Variants in CUX2 observed in about 807,000 individuals in gnomAD.
The protein encoded by CUX2 is homeobox protein cut-like 2.
In CUX2, 40 loss-of-function variants were observed where a neutral mutation model predicts 144.8. That is an observed-to-expected ratio of 0.28 (90% CI 0.21 to 0.36). CUX2 has a LOEUF of 0.36. CUX2 is among the 10% of genes least tolerant of loss of function. The pLI, the probability that CUX2 is intolerant of heterozygous loss-of-function variation, is 1.00. For missense variants in CUX2, 1,615 were observed against 1,994.0 expected (o/e 0.81, Z 3.62); for synonymous variants, 827 against 875.6 (o/e 0.94, Z 0.98).
chr12:111,310,788 A>G lies in CUX2; in HGVS notation c.1900+106A>G. 7 of 1,307,320 alleles carry G rather than the reference A, an allele frequency of 5.4e-6. No homozygotes were observed. Among genetic ancestry groups the G allele is most frequent in the Non-Finnish European group, 7.2e-6 (7 of 977,044 alleles). 81.0% of individuals were successfully genotyped at this position (1,307,320 alleles called of 1,614,324 possible). On this transcript the variant is annotated intron_variant, in intron 15 of 21. Transcript: ENST00000261726. The surrounding 1 kb of genome is among the most constrained non-coding windows in gnomAD (Gnocchi z 7.9). ...TCTGGGTTCAAAGCCCAGCTCTACC[A>G]CCACCTGGCTGTGTGACCCAGGGCC...
At position 111,320,120 on chromosome 12, in the gene CUX2, TGCAGGCGCAACA is replaced by T; in HGVS notation, c.2120_2131del (p.Gln707_Ala710del). ...ATCCTGGAGCAGGCACGCCGTGAGA[TGCAGGCGCAACA>T]GCAGGCGCTGCTGGAGATGGAGGTG... is the stretch of plus-strand genomic sequence containing the variant. On this transcript the variant is annotated inframe_deletion, in exon 17 of 22. Transcript: ENST00000261726. This position sits in a 1 kb window ranked among gnomAD's most constrained non-coding sequence, Gnocchi z 8.1. The T allele has an allele frequency of 3.2e-6, 5 of 1,557,602 alleles. No individual in the cohort carries two copies. Among genetic ancestry groups the T allele is most frequent in the Non-Finnish European group, 4.3e-6 (5 of 1,154,950 alleles).
chr12:111,198,815 C>T (rs1201961096), intron 1 of CUX2, among the ~76,000 whole-genome samples: 1 of 152,192 alleles, frequency 6.6e-6, no homozygotes, highest in Non-Finnish European at 1.5e-5. Flanking sequence ...GAGGCTGGCT[C>T]ATCGGAGGCC....
At chr12:111,260,144 T>C (rs1884038815) in intron 3 of CUX2, among the ~76,000 whole-genome samples, 1 of 147,026 alleles carries the variant, frequency 6.8e-6, no homozygotes, top group South Asian at 2.2e-4. Flanking sequence ...GCCTAGGCAA[T>C]ACAGCGAGAC....
chr12:111,132,205 G>C (rs901258060), intron 1 of CUX2, among the ~76,000 whole-genome samples: 4 of 152,194 alleles, frequency 2.6e-5, no homozygotes, highest in African/African-American at 9.7e-5. Flanking sequence ...TGGGGCTTCT[G>C]CCCTCTGAAG....
chr12:111,201,478 TC>T (rs1880590645), intron 1 of CUX2, among the ~76,000 whole-genome samples: 1 of 152,126 alleles, frequency 6.6e-6, no homozygotes, highest in Admixed American at 6.5e-5. Flanking sequence ...TGCCCACAGC[TC>T]CCTCCTCCTC....
intron 20 of CUX2, among the ~76,000 whole-genome samples, chr12:111,341,064 A>G (rs1888553901): frequency 6.6e-6 from 1 of 152,180 alleles, no homozygotes; most frequent in Non-Finnish European, 1.5e-5. Context: ...AAATGGCCTC[A>G]CTGAGTAAAT....
At chr12:111,328,975 C>CTCTCTCTCTCTCTCTCTCTCTCTCT (rs1491501890) in intron 18 of CUX2, among the ~76,000 whole-genome samples, 27 of 65,652 alleles carry the variant, frequency 4.1e-4, no homozygotes, top group African/African-American at 8.5e-4. Flanking sequence ...CTCTCTCTCT[C>CTCTCTCTCTCTCTCTCTCTCTCTCT]CCCCTCTCTC....
chr12:111,161,337 C>G (rs1037294005), intron 1 of CUX2, among the ~76,000 whole-genome samples: 4 of 152,128 alleles, frequency 2.6e-5, no homozygotes, highest in African/African-American at 9.7e-5. Context: ...GTTGGTTCCC[C>G]CAGCATTGAG....
chr12:111,051,755 T>C (rs1376867886), intron 1 of CUX2, among the ~76,000 whole-genome samples: 1 of 152,210 alleles, frequency 6.6e-6, no homozygotes, highest in Non-Finnish European at 1.5e-5. Context: ...TGGTAGAATT[T>C]ATGTCTGCCA....
intron 3 of CUX2, among the ~76,000 whole-genome samples, chr12:111,232,007 G>A (rs527524832): frequency 3.9e-5 from 6 of 152,100 alleles, no homozygotes; most frequent in East Asian, 1.9e-4. Context: ...TCGAGAGGCT[G>A]AGGCAGGAGA....
intron 1 of CUX2, among the ~76,000 whole-genome samples, chr12:111,119,689 C>T (rs773771833): frequency 4.6e-5 from 7 of 152,212 alleles, no homozygotes; most frequent in Non-Finnish European, 1.0e-4. Flanking sequence ...AGTGCCCGAC[C>T]TTTGGGTCTC....
At chr12:111,316,905 C>T (rs934233425) in intron 16 of CUX2, among the ~76,000 whole-genome samples, 1 of 152,128 alleles carries the variant, frequency 6.6e-6, no homozygotes, top group African/African-American at 2.4e-5. Context: ...CCCCCCAGCC[C>T]CTGGAAACCA....
At chr12:111,213,344 A>G (rs1881335817) in intron 1 of CUX2, among the ~76,000 whole-genome samples, 2 of 152,250 alleles carry the variant, frequency 1.3e-5, no homozygotes, top group Non-Finnish European at 2.9e-5. Context: ...CCACCATTAA[A>G]GTGAAGAAAG....
At chr12:111,323,403 C>T (rs571079312) in intron 18 of CUX2, among the ~76,000 whole-genome samples, 296 of 152,340 alleles carry the variant, frequency 1.9e-3, no homozygotes, top group Non-Finnish European at 3.0e-3. Flanking sequence ...AAGCCTCCAT[C>T]CCAGTGACAG....
chr12:111,174,461 T>TCATATGTGACACAC lies in CUX2; in HGVS notation c.64-39739_64-39738insCATATGTGACACAC, dbSNP rs1226076049. ...CGTGACATTAGCAGTTCCTTGAGGGTAGGGCTGTGTGTGTCATATGTGAGT... is the reference window on the plus strand; with the variant it reads ...CGTGACATTAGCAGTTCCTTGAGGGTCATATGTGACACACAGGGCTGTGTGTGTCATATGTGAGT... On this transcript the variant is annotated intron_variant, in intron 1 of 21. Coordinates refer to ENST00000261726, the MANE Select transcript of CUX2 (RefSeq NM_015267.4). Among the ~76,000 whole-genome samples, 3 of 152,332 alleles carry TCATATGTGACACAC rather than the reference T, an allele frequency of 2.0e-5. No homozygotes were observed. The East Asian group carries it at 5.8e-4, about 29-fold the overall frequency.
At chr12:111,038,054 G>T (rs1869546310) in intron 1 of CUX2, among the ~76,000 whole-genome samples, 1 of 152,234 alleles carries the variant, frequency 6.6e-6, no homozygotes, top group Non-Finnish European at 1.5e-5. Flanking sequence ...CTTTTCCAAG[G>T]AGTTTGGAGA....
chr12:111,122,328 T>C lies in CUX2; in HGVS notation c.63+88088T>C, dbSNP rs551558082. 2.0e-5 allele frequency among the ~76,000 whole-genome samples: 3 copies of C among 152,354 alleles called. No homozygotes were observed. In the South Asian group the frequency reaches 6.2e-4, roughly 32 times the overall value. On this transcript the variant is annotated intron_variant, in intron 1 of 21. Coordinates refer to ENST00000261726, the MANE Select transcript of CUX2 (RefSeq NM_015267.4). The stretch of plus-strand genomic sequence containing the variant: ...TTTCTAGAGTAAGGATGGGCTAAGC[T>C]GTTTTAATTTCTTGCAAGGATGTTT...
At chr12:111,330,222 C>T (rs958810926) in intron 18 of CUX2, among the ~76,000 whole-genome samples, 6 of 152,178 alleles carry the variant, frequency 3.9e-5, no homozygotes, top group South Asian at 2.1e-4. Flanking sequence ...GGGGGCTTCA[C>T]CTTGCCCTCT....
chr12:111,127,401 T>C (rs1455982077), intron 1 of CUX2, among the ~76,000 whole-genome samples: 1 of 152,200 alleles, frequency 6.6e-6, no homozygotes, highest in Non-Finnish European at 1.5e-5. Flanking sequence ...CTAAGGGATC[T>C]CCTATATTCC....
Sources: gnomAD v4.1 joint callset for allele counts (sites outside exome capture counted in the v4.1 genomes callset) on GRCh38, gnomAD v4.1.1 for gene constraint, Gnocchi (gnomAD v3.1) non-coding constraint, MANE v1.5 for transcripts, NCBI Gene and HGNC (gene_info 2026-07-23, HGNC 2026-07-21) for gene names.